RANBP2: variants seen among roughly 807,000 people sequenced by gnomAD.
The protein encoded by RANBP2 is E3 SUMO-protein ligase RanBP2.
In RANBP2, 57 loss-of-function variants were observed where a neutral mutation model predicts 303.6. The ratio of observed to expected loss-of-function variants is 0.19; its 90% CI spans 0.15 to 0.23. The LOEUF (loss-of-function observed/expected upper bound fraction) is 0.23. RANBP2 is among the 10% of genes least tolerant of loss of function. RANBP2 has a pLI of 1.00. For missense variants in RANBP2, 3,138 were observed against 3,780.8 expected (o/e 0.83, Z 4.46); for synonymous variants, 1,167 against 1,301.5 (o/e 0.90, Z 2.23).
chr2:109,669,255 A>G, the RANBP2 span, among the ~76,000 whole-genome samples: 1 of 152,346 alleles, frequency 6.6e-6, no homozygotes, highest in East Asian at 1.9e-4. Context: ...ACACTCCAAG[A>G]CACTGGTCTA....
the RANBP2 span, among the ~76,000 whole-genome samples, chr2:109,284,803 G>C: frequency 4.3e-4 from 65 of 151,926 alleles, no homozygotes; most frequent in African/African-American, 1.6e-3. Context: ...GTGTGGCCTC[G>C]TGTCAGATGA....
chr2:109,185,283 G>A, the RANBP2 span, among the ~76,000 whole-genome samples: 1 of 152,168 alleles, frequency 6.6e-6, no homozygotes, highest in African/African-American at 2.4e-5. Context: ...TAATCGATGT[G>A]AATAAAATCC....
chr2:108,881,004 C>G, the RANBP2 span, among the ~76,000 whole-genome samples: 1 of 152,180 alleles, frequency 6.6e-6, no homozygotes, highest in Non-Finnish European at 1.5e-5. Flanking sequence ...CCAATACTCA[C>G]GAATGACTTT....
the RANBP2 span, among the ~76,000 whole-genome samples, chr2:109,247,792 T>C: frequency 1 from 152,010 of 152,308 alleles, 75,857 homozygotes; most frequent in Middle Eastern, 1. Flanking sequence ...TTTAACTCAC[T>C]GTTGTGTGTG....
the RANBP2 span, among the ~76,000 whole-genome samples, chr2:108,992,393 C>G: frequency 6.6e-6 from 1 of 152,162 alleles, no homozygotes; most frequent in East Asian, 1.9e-4. Flanking sequence ...CCGTGATAAG[C>G]AAGGGTGCAC....
the RANBP2 span, among the ~76,000 whole-genome samples, chr2:109,462,071 A>G: frequency 6.6e-6 from 1 of 151,512 alleles, no homozygotes; most frequent in Non-Finnish European, 1.5e-5. Flanking sequence ...ATTTTAATTC[A>G]ATTTATTTCC....
At chr2:109,637,543 A>G in the RANBP2 span, among the ~76,000 whole-genome samples, 3 of 152,314 alleles carry the variant, frequency 2.0e-5, no homozygotes, top group Admixed American at 1.3e-4. Flanking sequence ...GGCTTTCTGC[A>G]GTGCATTGCG....
the RANBP2 span, chr2:109,437,172 C>T: frequency 1.8e-5 from 28 of 1,587,134 alleles, no homozygotes; most frequent in Non-Finnish European, 2.3e-5. Flanking sequence ...CCTCACCCTG[C>T]AGGGCATCAA....
the RANBP2 span, among the ~76,000 whole-genome samples, chr2:109,724,905 A>G: frequency 6.6e-6 from 1 of 152,102 alleles, no homozygotes; most frequent in Non-Finnish European, 1.5e-5. Flanking sequence ...CCTACCCCCA[A>G]AGGGGTTCTT....
chr2:109,218,321 G>C, the RANBP2 span, among the ~76,000 whole-genome samples: 1 of 152,268 alleles, frequency 6.6e-6, no homozygotes, highest in Admixed American at 6.5e-5. Flanking sequence ...AGGAAGGTGT[G>C]GATTTCTTCT....
chr2:109,203,694 C>A, the RANBP2 span, among the ~76,000 whole-genome samples: 1 of 152,180 alleles, frequency 6.6e-6, no homozygotes, highest in Non-Finnish European at 1.5e-5. Context: ...TGCACTTCCA[C>A]CCCCTGGGCC....
At chr2:109,645,074 C>T in the RANBP2 span, among the ~76,000 whole-genome samples, 2 of 152,188 alleles carry the variant, frequency 1.3e-5, no homozygotes, top group Non-Finnish European at 2.9e-5. Flanking sequence ...CCAGCGGGAT[C>T]CTAAATGTCT....
At chr2:109,587,797 CA>C in the RANBP2 span, among the ~76,000 whole-genome samples, 1 of 152,050 alleles carries the variant, frequency 6.6e-6, no homozygotes, top group South Asian at 2.1e-4. Context: ...CCTGTAGTCC[CA>C]GCTACTCAGG....
chr2:109,675,293 C>A, the RANBP2 span, among the ~76,000 whole-genome samples: 1 of 152,160 alleles, frequency 6.6e-6, no homozygotes, highest in Non-Finnish European at 1.5e-5. Context: ...GTTCTCAGAC[C>A]AGGCTCACAG....
At chr2:109,023,486 T>C in the RANBP2 span, among the ~76,000 whole-genome samples, 1,981 of 152,322 alleles carry the variant, frequency 0.013, 34 homozygotes, top group African/African-American at 0.045. Context: ...AACTGTCATG[T>C]TGTTGACGTC....
chr2:109,490,755 C>G, the RANBP2 span: 5 of 1,536,594 alleles, frequency 3.3e-6, no homozygotes, highest in Admixed American at 9.8e-5. Flanking sequence ...AGTGTCCTCA[C>G]TGTCCATCCA....
chr2:109,059,184 G>T, the RANBP2 span, among the ~76,000 whole-genome samples: 9 of 152,092 alleles, frequency 5.9e-5, no homozygotes, highest in South Asian at 6.2e-4. Context: ...GGAAACAGAG[G>T]CCCCTCTACT....
chr2:109,287,136 G>C, the RANBP2 span, among the ~76,000 whole-genome samples: 15 of 152,264 alleles, frequency 9.9e-5, no homozygotes, highest in African/African-American at 2.9e-4. Context: ...CTCATGGGGG[G>C]TTGTCCAGAG....
chr2:108,826,804 A>G, the RANBP2 span, among the ~76,000 whole-genome samples: 1 of 152,202 alleles, frequency 6.6e-6, no homozygotes, highest in Non-Finnish European at 1.5e-5. Flanking sequence ...TTGATTAAGG[A>G]CTGCATTGAA....
Sources: gnomAD v4.1 joint callset for allele counts (sites outside exome capture counted in the v4.1 genomes callset) on GRCh38, gnomAD v4.1.1 for gene constraint, MANE v1.5 for transcripts, NCBI Gene and HGNC (gene_info 2026-07-23, HGNC 2026-07-21) for gene names.